Variants in IL1RAPL2 observed in about 807,000 individuals in gnomAD.
IL1RAPL2 encodes interleukin 1 receptor accessory protein like 2, also known as X-linked interleukin-1 receptor accessory protein-like 2.
Under a neutral mutation model 44.1 loss-of-function variants are expected in IL1RAPL2, and 3 were observed. The observed-to-expected ratio is 0.07, with a 90% CI of 0.03 to 0.18. The LOEUF (loss-of-function observed/expected upper bound fraction) is 0.18, where lower values mean the gene tolerates loss of function less well. Ranked by LOEUF, IL1RAPL2 falls within the 10% of genes least tolerant of loss-of-function variation. The probability of loss-of-function intolerance (pLI) is 1.00; values close to 1 mark genes in which losing one functional copy is unlikely to be tolerated. For missense variants in IL1RAPL2, 391 were observed against 496.4 expected (o/e 0.79, Z 2.02); for synonymous variants, 181 against 178.8 (o/e 1.01, Z -0.10).
chrX:105,339,578 T>A (rs1335149978), intron 5 of IL1RAPL2, among the ~76,000 whole-genome samples: 1 of 111,479 alleles, frequency 9.0e-6, no homozygotes, highest in Admixed American at 9.6e-5. Context: ...CCCTGATTTT[T>A]CTAATCACAA....
At chrX:105,574,428 T>C (rs1300291162) in intron 6 of IL1RAPL2, among the ~76,000 whole-genome samples, 1 of 111,307 alleles carries the variant, frequency 9.0e-6, no homozygotes, top group Non-Finnish European at 1.9e-5. Flanking sequence ...AAGCAAGCTC[T>C]GTATGGGACA....
chrX:104,855,680 C>CTTTTTTTTTTTTTTTTTTTTTTTTTTT (rs1304044009), intron 2 of IL1RAPL2, among the ~76,000 whole-genome samples: 2 of 53,778 alleles, frequency 3.7e-5, no homozygotes, highest in African/African-American at 1.3e-4. Flanking sequence ...GATCTGGATC[C>CTTTTTTTTTTTTTTTTTTTTTTTTTTT]GTTTTTTTTT....
chrX:105,254,664 T>C (rs2034300334), intron 4 of IL1RAPL2, among the ~76,000 whole-genome samples: 1 of 112,155 alleles, frequency 8.9e-6, no homozygotes, highest in Non-Finnish European at 1.9e-5. Context: ...CTAGGTTATC[T>C]TCCAGAGTTT....
At chrX:105,687,763 C>T (rs1285497281) in intron 6 of IL1RAPL2, among the ~76,000 whole-genome samples, 1 of 111,294 alleles carries the variant, frequency 9.0e-6, no homozygotes, top group Non-Finnish European at 1.9e-5. Context: ...CTGGCAGAGA[C>T]ACAACAAAAA....
At chrX:105,560,229 CTG>C (rs1410010383) in intron 6 of IL1RAPL2, among the ~76,000 whole-genome samples, 1 of 111,230 alleles carries the variant, frequency 9.0e-6, no homozygotes, top group African/African-American at 3.3e-5. Context: ...TGTGAAGACT[CTG>C]TTGTTCTGAG....
intron 2 of IL1RAPL2, among the ~76,000 whole-genome samples, chrX:104,926,417 C>T (rs943060247): frequency 9.0e-6 from 1 of 111,338 alleles, no homozygotes; most frequent in Admixed American, 9.6e-5. Flanking sequence ...GACAAAAATC[C>T]TTTCTTGTCA....
intron 5 of IL1RAPL2, among the ~76,000 whole-genome samples, chrX:105,363,305 TATAA>T (rs1475867807): frequency 5.1e-5 from 4 of 77,818 alleles, no homozygotes; most frequent in African/African-American, 3.7e-4. Flanking sequence ...TATATATATA[TATAA>T]TATATATATA....
intron 4 of IL1RAPL2, among the ~76,000 whole-genome samples, chrX:105,258,826 G>T (rs1023230216): frequency 1.5e-4 from 17 of 111,747 alleles, no homozygotes; most frequent in African/African-American, 5.5e-4. Flanking sequence ...TTCAGCTCCT[G>T]TATCGTTTTA....
chrX:105,362,039 A>G (rs1294845099), intron 5 of IL1RAPL2, among the ~76,000 whole-genome samples: 1 of 111,867 alleles, frequency 8.9e-6, no homozygotes, highest in Non-Finnish European at 1.9e-5. Context: ...CTGCTAAACA[A>G]TTATGTCATT....
intron 2 of IL1RAPL2, among the ~76,000 whole-genome samples, chrX:104,761,828 C>T (rs868187494): frequency 2.8e-5 from 2 of 70,553 alleles, no homozygotes; most frequent in Non-Finnish European, 5.0e-5. Context: ...CCTCCTTCTC[C>T]TTCTTCTCCT....
At chrX:105,454,966 G>T (rs932255795) in intron 5 of IL1RAPL2, among the ~76,000 whole-genome samples, 1 of 109,792 alleles carries the variant, frequency 9.1e-6, no homozygotes, top group Admixed American at 9.8e-5. Context: ...AATTACAGAT[G>T]AATAAATCAC....
chrX:105,607,665 G>GAAAAAAAAAA (rs2037304853), intron 6 of IL1RAPL2, among the ~76,000 whole-genome samples: 1 of 78,654 alleles, frequency 1.3e-5, no homozygotes, highest in South Asian at 5.9e-4. Flanking sequence ...AAAAAAAAAG[G>GAAAAAAAAAA]AAATAAGGCA....
intron 3 of IL1RAPL2, among the ~76,000 whole-genome samples, chrX:105,229,069 G>C (rs2034043952): frequency 8.9e-6 from 1 of 111,892 alleles, no homozygotes; most frequent in African/African-American, 3.2e-5. Context: ...GAAGTAGGGA[G>C]AGAAAAAATA....
chrX:105,665,853 C>G (rs2147849966), intron 6 of IL1RAPL2, among the ~76,000 whole-genome samples: 1 of 106,193 alleles, frequency 9.4e-6, no homozygotes, highest in African/African-American at 3.5e-5. Flanking sequence ...AGCTCTGTCT[C>G]CTGAGTTCAT....
chrX:105,453,396 AT>A (rs771024174), intron 5 of IL1RAPL2, among the ~76,000 whole-genome samples: 44 of 112,455 alleles, frequency 3.9e-4, no homozygotes, highest in African/African-American at 1.2e-3. Flanking sequence ...TGTATACTTC[AT>A]GTCAAATCAG....
intron 7 of IL1RAPL2, among the ~76,000 whole-genome samples, chrX:105,737,287 C>A (rs2038458444): frequency 9.0e-6 from 1 of 111,055 alleles, no homozygotes; most frequent in African/African-American, 3.3e-5. Flanking sequence ...ATAAAATAAT[C>A]TGTACACCAA....
chrX:105,003,343 C>T (rs112505393), intron 2 of IL1RAPL2, among the ~76,000 whole-genome samples: 5,096 of 110,729 alleles, frequency 0.046, 304 homozygotes, highest in African/African-American at 0.16. Flanking sequence ...AATTATCACC[C>T]AAAATACAGA....
chrX:104,931,898 C>T (rs1464668161), intron 2 of IL1RAPL2, among the ~76,000 whole-genome samples: 1 of 107,528 alleles, frequency 9.3e-6, no homozygotes, highest in African/African-American at 3.4e-5. Flanking sequence ...TGTGAAAAGA[C>T]TTTAAAATCT....
intron 3 of IL1RAPL2, chrX:105,219,726 C>T: frequency 2.5e-6 from 3 of 1,206,984 alleles, no homozygotes; most frequent in Non-Finnish European, 3.4e-6. Flanking sequence ...GCCACCCTGC[C>T]CCCTGCTCCC....
Sources: gnomAD v4.1 joint callset for allele counts (sites outside exome capture counted in the v4.1 genomes callset) on GRCh38, gnomAD v4.1.1 for gene constraint, MANE v1.5 for transcripts, NCBI Gene and HGNC (gene_info 2026-07-23, HGNC 2026-07-21) for gene names.